Variants in SIPA1L3 observed in about 807,000 individuals in gnomAD.
SIPA1L3 encodes the protein signal-induced proliferation-associated 1-like protein 3.
SIPA1L3 carries 59 observed loss-of-function variants against 150.1 expected under a neutral mutation model. That is an observed-to-expected ratio of 0.39 (90% CI 0.32 to 0.49). SIPA1L3 has a LOEUF of 0.49. SIPA1L3 is among the 20% of genes least tolerant of loss of function. The probability of loss-of-function intolerance (pLI) is 0.86; values close to 1 mark genes in which losing one functional copy is unlikely to be tolerated. For missense variants in SIPA1L3, 2,211 were observed against 2,489.5 expected (o/e 0.89, Z 2.38); for synonymous variants, 1,070 against 1,077.6 (o/e 0.99, Z 0.14).
At chr19:38,111,593 C>A (rs763001424) in intron 8 of SIPA1L3, among the ~76,000 whole-genome samples, 14 of 152,210 alleles carry the variant, frequency 9.2e-5, no homozygotes, top group Non-Finnish European at 1.8e-4. Flanking sequence ...GCGGGTCTAC[C>A]AGCTGCCTCC....
intron 1 of SIPA1L3, among the ~76,000 whole-genome samples, chr19:37,923,517 C>T (rs1255760241): frequency 6.6e-6 from 1 of 152,114 alleles, no homozygotes; most frequent in Non-Finnish European, 1.5e-5. Flanking sequence ...TGCACCTGTA[C>T]AGGGCACTTA....
chr19:37,935,929 A>G (rs141310866), intron 1 of SIPA1L3, among the ~76,000 whole-genome samples: 1 of 152,230 alleles, frequency 6.6e-6, no homozygotes, highest in African/African-American at 2.4e-5. Context: ...CCTGGCTACC[A>G]TGGGGTTCAT....
intron 1 of SIPA1L3, among the ~76,000 whole-genome samples, chr19:37,922,001 AG>A (rs1282310429): frequency 6.6e-6 from 1 of 152,174 alleles, no homozygotes; most frequent in Admixed American, 6.6e-5. Context: ...TCTTCAGTAT[AG>A]GTGGCTTGAT....
chr19:38,014,330 T>G (rs984816074), intron 1 of SIPA1L3, among the ~76,000 whole-genome samples: 21 of 152,020 alleles, frequency 1.4e-4, no homozygotes, highest in Middle Eastern at 3.4e-3. Flanking sequence ...CTAAGCGGAG[T>G]TTGGTGAGCC....
chr19:38,116,899 G>T (rs535080802), intron 8 of SIPA1L3, among the ~76,000 whole-genome samples: 1 of 152,176 alleles, frequency 6.6e-6, no homozygotes, highest in Non-Finnish European at 1.5e-5. Flanking sequence ...TAACTCACCT[G>T]CCCTGGGTGA....
intron 19 of SIPA1L3, 66 bp from the exon 20 acceptor site, chr19:38,201,796 G>A: frequency 6.6e-7 from 1 of 1,523,936 alleles, no homozygotes; most frequent in Non-Finnish European, 8.8e-7. Flanking sequence ...GAGAGGCGTG[G>A]TCCGTCTGTT....
intron 2 of SIPA1L3, among the ~76,000 whole-genome samples, chr19:38,031,595 G>T (rs1279721196): frequency 6.6e-6 from 1 of 152,088 alleles, no homozygotes; most frequent in Non-Finnish European, 1.5e-5. Context: ...TCATTGTGGG[G>T]GTCTGTGACA....
intron 1 of SIPA1L3, among the ~76,000 whole-genome samples, chr19:38,006,857 C>A (rs1967953112): frequency 6.6e-6 from 1 of 152,188 alleles, no homozygotes; most frequent in Non-Finnish European, 1.5e-5. Context: ...CAAGGTTATT[C>A]ATTACAGCAG....
chr19:37,978,002 T>C (rs1282853606), intron 1 of SIPA1L3, among the ~76,000 whole-genome samples: 1 of 152,246 alleles, frequency 6.6e-6, no homozygotes, highest in Non-Finnish European at 1.5e-5. Context: ...AATCCATGTT[T>C]GTACCTTTAG....
Position 38,119,643 on chromosome 19 carries a change from G to A in SIPA1L3, c.2629G>A (p.Ala877Thr), listed in dbSNP as rs778854493. 1 of 1,614,080 alleles carries A rather than the reference G, an allele frequency of 6.2e-7. No individual in the cohort carries two copies. Among genetic ancestry groups the A allele is most frequent in the Admixed American group, 1.7e-5 (1 of 60,016 alleles). The change falls in exon 9 of 22, where the codon GCC (alanine) becomes ACC (threonine). Residue 877 changes from alanine to threonine, a missense_variant. Physicochemically the swap from Ala to Thr is moderately conservative, Grantham distance 58 (BLOSUM62 0). Coordinates refer to ENST00000222345, the MANE Select transcript of SIPA1L3 (RefSeq NM_015073.3). ...SAGAIAWRVV[A>T]QDYAQGVEID... ...AGGGGCCATCGCCTGGAGGGTGGTGGCCCAGGACTACGCCCAGGGGGTGGA... is the reference window on the plus strand; with the variant it reads ...AGGGGCCATCGCCTGGAGGGTGGTGACCCAGGACTACGCCCAGGGGGTGGA...
chr19:38,132,282 G>A (rs925243384), intron 10 of SIPA1L3, among the ~76,000 whole-genome samples: 15 of 151,044 alleles, frequency 9.9e-5, no homozygotes, highest in Admixed American at 4.0e-4. Flanking sequence ...CCTATTGGCC[G>A]GGTGTGGTGG....
At chr19:37,938,093 T>G (rs1028548895) in intron 1 of SIPA1L3, among the ~76,000 whole-genome samples, 4 of 152,136 alleles carry the variant, frequency 2.6e-5, no homozygotes. Context: ...TTTCTGAGAC[T>G]TGCATTTTTC....
At chr19:37,910,396 C>A (rs1049149950) in intron 1 of SIPA1L3, among the ~76,000 whole-genome samples, 1 of 151,822 alleles carries the variant, frequency 6.6e-6, no homozygotes, top group Non-Finnish European at 1.5e-5. Flanking sequence ...TGGCGAAACC[C>A]CATCTCTACA....
intron 13 of SIPA1L3, among the ~76,000 whole-genome samples, chr19:38,154,438 A>G (rs1299380380): frequency 2.6e-5 from 4 of 151,864 alleles, no homozygotes; most frequent in African/African-American, 9.7e-5. Flanking sequence ...AGTTGATTTT[A>G]TTTTATTTAT....
intron 1 of SIPA1L3, among the ~76,000 whole-genome samples, chr19:37,953,293 G>A (rs976757542): frequency 3.9e-5 from 6 of 152,126 alleles, no homozygotes; most frequent in Non-Finnish European, 8.8e-5. Context: ...CACACTGGCC[G>A]CTAAACCTGG....
intron 13 of SIPA1L3, 69 bp from the exon 14 acceptor site, chr19:38,162,183 AG>A: frequency 1.6e-6 from 2 of 1,213,508 alleles, no homozygotes; most frequent in South Asian, 2.4e-5. Context: ...AGTCTGGCAA[AG>A]GGTCCAGATT....
At chr19:38,065,318 A>G (rs554096229) in intron 2 of SIPA1L3, among the ~76,000 whole-genome samples, 1 of 151,872 alleles carries the variant, frequency 6.6e-6, no homozygotes, top group South Asian at 2.1e-4. Context: ...CTAACTGTGC[A>G]GCTTGGAAGT....
At chr19:38,184,848 T>G (rs1259989807) in intron 16 of SIPA1L3, 1 of 152,150 alleles carries the variant, frequency 6.6e-6, no homozygotes, top group African/African-American at 2.4e-5. Flanking sequence ...GGATTAATGA[T>G]GCAGGCTCAC....
At chr19:38,161,696 C>T (rs935486462) in intron 13 of SIPA1L3, among the ~76,000 whole-genome samples, 1 of 152,046 alleles carries the variant, frequency 6.6e-6, no homozygotes, top group African/African-American at 2.4e-5. Context: ...CACTGCACTC[C>T]AGCCTGAGCG....
Sources: gnomAD v4.1 joint callset for allele counts (sites outside exome capture counted in the v4.1 genomes callset) on GRCh38, gnomAD v4.1.1 for gene constraint, MANE v1.5 for transcripts, NCBI Gene and HGNC (gene_info 2026-07-23, HGNC 2026-07-21) for gene names.